SFRP1: variants seen among roughly 807,000 people sequenced by gnomAD.
SFRP1 encodes secreted frizzled related protein 1.
Under a neutral mutation model 25.9 loss-of-function variants are expected in SFRP1, and 9 were observed. The observed-to-expected ratio is 0.35, with a 90% CI of 0.21 to 0.61. SFRP1 has a LOEUF of 0.61. SFRP1 is among the 20% of genes least tolerant of loss of function. The pLI is 0.78. For missense variants in SFRP1, 346 were observed against 418.2 expected (o/e 0.83, Z 1.51); for synonymous variants, 178 against 174.0 (o/e 1.02, Z -0.18).
At chr8:41,306,332 G>C (rs1296118902) in intron 1 of SFRP1, among the ~76,000 whole-genome samples, 1 of 152,308 alleles carries the variant, frequency 6.6e-6, no homozygotes. Flanking sequence ...TAATTTTAAA[G>C]AATAAAAGCA....
chr8:41,303,846 C>T (rs74662337), intron 1 of SFRP1, among the ~76,000 whole-genome samples: 7,046 of 152,208 alleles, frequency 0.046, 193 homozygotes, highest in South Asian at 0.08. Flanking sequence ...CTGTGAGTGC[C>T]GGGAAAAGCT....
chr8:41,272,709 G>T (rs1190870019), intron 2 of SFRP1, among the ~76,000 whole-genome samples: 1 of 152,056 alleles, frequency 6.6e-6, no homozygotes, highest in African/African-American at 2.4e-5. Context: ...GGAAACAGAG[G>T]AAAGAAAAAG....
intron 2 of SFRP1, among the ~76,000 whole-genome samples, chr8:41,266,063 G>A (rs1441270137): frequency 6.6e-6 from 1 of 152,026 alleles, no homozygotes; most frequent in Non-Finnish European, 1.5e-5. Flanking sequence ...CTACTAAGGA[G>A]GCTGAGGCAG....
intron 2 of SFRP1, among the ~76,000 whole-genome samples, chr8:41,291,461 A>G (rs552239582): frequency 4.7e-4 from 71 of 152,164 alleles, no homozygotes; most frequent in Non-Finnish European, 8.7e-4. Context: ...CACTGGGATT[A>G]TCTTCCTAGG....
At chr8:41,307,993 G>C (rs1008272086) in intron 1 of SFRP1, among the ~76,000 whole-genome samples, 4 of 152,218 alleles carry the variant, frequency 2.6e-5, no homozygotes, top group Non-Finnish European at 5.9e-5. Flanking sequence ...GTACCTGGAA[G>C]GGGTGGAGAA....
chr8:41,288,530 CAAAAAAAAAAAAAAAAAAAA>C (rs397893046), intron 2 of SFRP1, among the ~76,000 whole-genome samples: 86 of 39,106 alleles, frequency 2.2e-3, no homozygotes, highest in South Asian at 5.6e-3. Flanking sequence ...AGACCCTGTC[CAAAAAAAAAAAAAAAAAAAA>C]AAAAAAAAAA....
chr8:41,300,179 G>A (rs1016194794), intron 2 of SFRP1, among the ~76,000 whole-genome samples: 6 of 152,340 alleles, frequency 3.9e-5, no homozygotes, highest in South Asian at 4.1e-4. Flanking sequence ...GTGGAGGTAC[G>A]GAGGTGCGGG....
intron 2 of SFRP1, among the ~76,000 whole-genome samples, chr8:41,290,234 C>T (rs4736964): frequency 2.6e-5 from 4 of 152,144 alleles, no homozygotes; most frequent in African/African-American, 7.2e-5. Flanking sequence ...GCAGATATAA[C>T]CCCACGTGCA....
At chr8:41,295,480 G>A (rs1803832742) in intron 2 of SFRP1, among the ~76,000 whole-genome samples, 1 of 150,322 alleles carries the variant, frequency 6.7e-6, no homozygotes, top group South Asian at 2.1e-4. Flanking sequence ...AATGAGCTAA[G>A]ATCACACCAC....
At chr8:41,268,234 CA>C in intron 2 of SFRP1, among the ~76,000 whole-genome samples, 1 of 152,136 alleles carries the variant, frequency 6.6e-6, no homozygotes, top group Non-Finnish European at 1.5e-5. Context: ...AAGAAGGCAT[CA>C]ATAGTACTTT....
chr8:41,282,591 T>C (rs1013815184), intron 2 of SFRP1, among the ~76,000 whole-genome samples: 4 of 151,738 alleles, frequency 2.6e-5, no homozygotes, highest in Non-Finnish European at 5.9e-5. Flanking sequence ...TTAAATAAAA[T>C]AAAATTTTAA....
intron 2 of SFRP1, among the ~76,000 whole-genome samples, chr8:41,278,157 A>G (rs1803593033): frequency 6.6e-6 from 1 of 152,228 alleles, no homozygotes. Flanking sequence ...AAATTGGCAC[A>G]GGCCTGTCCA....
At chr8:41,297,076 G>A (rs147231929) in intron 2 of SFRP1, among the ~76,000 whole-genome samples, 60 of 152,186 alleles carry the variant, frequency 3.9e-4, no homozygotes, top group African/African-American at 1.3e-3. Context: ...ACAGAGTTTC[G>A]CTCTATCACC....
chr8:41,308,453 A>G (rs1276945220), intron 1 of SFRP1, among the ~76,000 whole-genome samples, 163 bp downstream of exon 1: 1 of 152,206 alleles, frequency 6.6e-6, no homozygotes, highest in African/African-American at 2.4e-5. Flanking sequence ...GACAGACCAG[A>G]CGCGCTTAGG....
Position 41,294,383 on chromosome 8 carries a change from C to T in SFRP1, c.622+9078G>A, listed in dbSNP as rs577930338. On this transcript the variant is annotated intron_variant, in intron 2 of 2. Coordinates refer to ENST00000220772, the MANE Select transcript of SFRP1 (RefSeq NM_003012.5). ...AGCTCACAAAGAGAAGAGAACACAT[C>T]TGAGGTAGTCCCAAAAGGAAATGTC... Among the ~76,000 whole-genome samples the T allele has an allele frequency of 3.9e-5, 6 of 152,272 alleles. No individual in the cohort carries two copies. In the South Asian group the frequency reaches 1.2e-3, roughly 32 times the overall value.
chr8:41,288,530 C>CA lies in SFRP1; in HGVS notation c.622+14930dup, dbSNP rs397893046. ...CCAGCCTGGGCAAAGAGACCCTGTC[C>CA]AAAAAAAAAAAAAAAAAAAAAAAAA... On this transcript the variant is annotated intron_variant, in intron 2 of 2. Coordinates refer to ENST00000220772, the MANE Select transcript of SFRP1 (RefSeq NM_003012.5). Among the ~76,000 whole-genome samples the CA allele has an allele frequency of 2.4e-3, 92 of 39,110 alleles. 20 individuals are homozygous for CA. Among genetic ancestry groups the CA allele is most frequent in the Non-Finnish European group, 3.5e-3 (75 of 21,194 alleles). 25.7% of individuals were successfully genotyped at this position (39,110 alleles called of 152,430 possible).
chr8:41,309,192 G>C lies in SFRP1; in HGVS notation c.-33C>G, dbSNP rs1436065421. ...CTGCGCCCTGTTCTCCGCGACGTCG[G>C]GGCTGCCTCCGCCGCCTCCCCGCGC... On this transcript the variant is annotated 5_prime_UTR_variant, in exon 1 of 3. Coordinates refer to ENST00000220772, the MANE Select transcript of SFRP1 (RefSeq NM_003012.5). 7.8e-6 allele frequency: 10 copies of C among 1,281,622 alleles called. No individual in the cohort carries two copies. Among genetic ancestry groups the C allele is most frequent in the Middle Eastern group, 5.9e-4 (2 of 3,416 alleles). 79.4% of individuals were successfully genotyped at this position (1,281,622 alleles called of 1,614,324 possible). A position where few individuals can be genotyped will look rare whatever the true frequency, so the allele number is the denominator to read the frequency against.
chr8:41,283,559 A>C lies in SFRP1; in HGVS notation c.623-18070T>G, dbSNP rs990623804. On this transcript the variant is annotated intron_variant, in intron 2 of 2. Transcript: ENST00000220772. Reference sequence around the variant, plus strand: ...ACGCTATTTTTATAGAAACTAAAAAAAAAAATTAAACTCCTCCAACTTTCT... The same window carrying C: ...ACGCTATTTTTATAGAAACTAAAAACAAAAATTAAACTCCTCCAACTTTCT... 2.0e-5 allele frequency among the ~76,000 whole-genome samples: 3 copies of C among 151,902 alleles called. No homozygotes were observed. The South Asian group carries it at 6.2e-4, about 32-fold the overall frequency.
chr8:41,286,388 AC>A (rs1249096328), intron 2 of SFRP1, among the ~76,000 whole-genome samples: 1 of 152,190 alleles, frequency 6.6e-6, no homozygotes, highest in African/African-American at 2.4e-5. Context: ...AAACACAGGG[AC>A]ACAACTGTGA....
Sources: allele counts gnomAD v4.1 joint callset (sites outside exome capture counted in the v4.1 genomes callset), GRCh38; gene constraint gnomAD v4.1.1; transcripts MANE v1.5; gene names NCBI Gene and HGNC (gene_info 2026-07-23, HGNC 2026-07-21).